ADAM32: variants seen among roughly 807,000 people sequenced by gnomAD.
ADAM32 encodes the protein disintegrin and metalloproteinase domain-containing protein 32.
A neutral mutation model predicts 114.9 loss-of-function variants in ADAM32; 89 were observed. The observed-to-expected ratio is 0.77, with a 90% confidence interval of 0.65 to 0.92. ADAM32 has a LOEUF of 0.92. Among genes scored for constraint, ADAM32 ranks in the 40% least tolerant of loss-of-function variants. The probability of loss-of-function intolerance (pLI) is 0.00; values close to 1 mark genes in which losing one functional copy is unlikely to be tolerated. For missense variants in ADAM32, 870 were observed against 932.8 expected, an observed-to-expected ratio of 0.93 and a Z score of 0.88; for synonymous variants, 285 against 307.5, an observed-to-expected ratio of 0.93 and a Z score of 0.77.
intron 1 of ADAM32, among the ~76,000 whole-genome samples, chr8:39,108,840 G>A (rs1331877409): frequency 3.3e-5 from 5 of 152,082 alleles, no homozygotes; most frequent in Non-Finnish European, 5.9e-5. Flanking sequence ...TTCTCTTCCT[G>A]GCTTGTAAAC....
intron 14 of ADAM32, among the ~76,000 whole-genome samples, chr8:39,226,682 G>A (rs575880407): frequency 3.3e-5 from 5 of 151,072 alleles, no homozygotes; most frequent in Admixed American, 6.6e-5. Flanking sequence ...GCTCTTCTTC[G>A]GAAATAAAGG....
intron 11 of ADAM32, among the ~76,000 whole-genome samples, chr8:39,206,937 G>T (rs1324369113): frequency 6.6e-6 from 1 of 151,914 alleles, no homozygotes; most frequent in East Asian, 1.9e-4. Context: ...GGGGTGTTTG[G>T]GATCCAGCAC....
At chr8:39,284,378 TACACAC>T (rs367964426) in intron 24 of ADAM32, among the ~76,000 whole-genome samples, 2 of 142,034 alleles carry the variant, frequency 1.4e-5, no homozygotes, top group African/African-American at 5.2e-5. Flanking sequence ...CACACACACG[TACACAC>T]ACACACACAC....
In ADAM32 at chr8:39,169,989, GT is replaced by G; in HGVS notation, c.909del (p.Ala304HisfsTer7). ...TMCITRYSAG[V>X]ALYPKEITLE... The stretch of plus-strand genomic sequence containing the variant: ...GTGTATTACTCGTTATTCTGCAGGA[GT>G]TGCATTGGTATGTAACTATTTAATC... On this transcript the variant is annotated frameshift_variant, in exon 10 of 25. Transcript: ENST00000379907. LOFTEE classifies it high-confidence loss of function. The G allele has an allele frequency of 6.3e-7, 1 of 1,590,560 alleles. No homozygotes were observed. Among genetic ancestry groups the G allele is most frequent in the Non-Finnish European group, 8.6e-7 (1 of 1,164,388 alleles).
intron 2 of ADAM32, among the ~76,000 whole-genome samples, chr8:39,119,865 G>A (rs1332556262): frequency 1.3e-5 from 2 of 152,042 alleles, no homozygotes; most frequent in African/African-American, 2.4e-5. Flanking sequence ...AGGTAATTAA[G>A]GTTACATGAG....
chr8:39,282,764 T>C (rs1041691795), intron 23 of ADAM32, among the ~76,000 whole-genome samples: 1 of 152,132 alleles, frequency 6.6e-6, no homozygotes, highest in Non-Finnish European at 1.5e-5. Flanking sequence ...AATGAAACAA[T>C]ATATTTTTTT....
chr8:39,186,858 C>T, intron 10 of ADAM32, 51 bp from the exon 11 acceptor site: 2 of 1,398,952 alleles, frequency 1.4e-6, no homozygotes, highest in Non-Finnish European at 9.7e-7. Flanking sequence ...TTATTTTTAC[C>T]ACCCTTTAGA....
chr8:39,274,831 G>A (rs997468627), intron 21 of ADAM32, among the ~76,000 whole-genome samples: 1 of 152,192 alleles, frequency 6.6e-6, no homozygotes, highest in Non-Finnish European at 1.5e-5. Context: ...TGATGCTGGT[G>A]TAAACAAACC....
At chr8:39,145,986 C>T (rs945087299) in intron 3 of ADAM32, among the ~76,000 whole-genome samples, 2 of 152,158 alleles carry the variant, frequency 1.3e-5, no homozygotes, top group Non-Finnish European at 2.9e-5. Flanking sequence ...TCCACCTCGG[C>T]CTCCCTAAGT....
intron 24 of ADAM32, among the ~76,000 whole-genome samples, chr8:39,284,146 T>G (rs190171478): frequency 5.4e-5 from 8 of 147,810 alleles, no homozygotes; most frequent in African/African-American, 2.1e-4. Flanking sequence ...ACTTAGTCTG[T>G]TTTTTTTCAG....
chr8:39,131,529 G>A (rs1802455754), intron 2 of ADAM32, among the ~76,000 whole-genome samples: 1 of 152,076 alleles, frequency 6.6e-6, no homozygotes, highest in South Asian at 2.1e-4. Context: ...TTGATTTTTT[G>A]TCTAGTTGTT....
chr8:39,175,441 G>A (rs1404622142), intron 10 of ADAM32, among the ~76,000 whole-genome samples: 2 of 152,128 alleles, frequency 1.3e-5, no homozygotes, highest in Non-Finnish European at 2.9e-5. Flanking sequence ...TAATCATGTG[G>A]TTTTTGTCTT....
At chr8:39,116,188 T>C (rs986070451) in intron 1 of ADAM32, among the ~76,000 whole-genome samples, 9 of 152,220 alleles carry the variant, frequency 5.9e-5, no homozygotes, top group African/African-American at 2.2e-4. Flanking sequence ...TGCTTTCTTC[T>C]TTTTGCTTAG....
chr8:39,241,879 CA>C (rs1810584153), intron 16 of ADAM32, among the ~76,000 whole-genome samples: 2 of 152,202 alleles, frequency 1.3e-5, no homozygotes, highest in African/African-American at 4.8e-5. Context: ...TTCTTTTCAG[CA>C]AGTGGGATTT....
At chr8:39,168,382 A>C (rs151166692) in intron 9 of ADAM32, 2 of 152,284 alleles carry the variant, frequency 1.3e-5, no homozygotes, top group African/African-American at 2.4e-5. Context: ...GTTCCAGTAG[A>C]TACCCTCAAG....
intron 2 of ADAM32, among the ~76,000 whole-genome samples, chr8:39,135,081 G>T (rs1802708928): frequency 6.6e-6 from 1 of 152,056 alleles, no homozygotes; most frequent in African/African-American, 2.4e-5. Context: ...CTTGAACCCG[G>T]GAGGCAGAAG....
At chr8:39,124,414 C>CTTTTTTTTTTTTTTTTTTTT (rs57362503) in intron 2 of ADAM32, among the ~76,000 whole-genome samples, 1 of 136,674 alleles carries the variant, frequency 7.3e-6, no homozygotes. Flanking sequence ...TTTTCTTTTT[C>CTTTTTTTTTTTTTTTTTTTT]TTTTTTTTTT....
intron 21 of ADAM32, 63 bp from the exon 22 acceptor site, chr8:39,275,765 A>T: frequency 6.9e-7 from 1 of 1,456,464 alleles, no homozygotes; most frequent in East Asian, 2.5e-5. Context: ...ACATTCATTC[A>T]TTATGGAGGC....
chr8:39,221,460 A>T, intron 12 of ADAM32, 150 bp from the exon 13 acceptor site: 1 of 617,864 alleles, frequency 1.6e-6, no homozygotes, highest in Non-Finnish European at 2.8e-6. Context: ...TTAGTGTTTT[A>T]AATATTTAAA....
Sources: gnomAD v4.1 joint callset for allele counts (sites outside exome capture counted in the v4.1 genomes callset) on GRCh38, gnomAD v4.1.1 for gene constraint, MANE v1.5 for transcripts, NCBI Gene and HGNC (gene_info 2026-07-23, HGNC 2026-07-21) for gene names.